The following DEDD2 variants were observed in gnomAD, a reference collection of about 807,000 sequenced individuals.
The protein encoded by DEDD2 is DNA-binding death effector domain-containing protein 2.
DEDD2 carries 18 observed loss-of-function variants against 28.9 expected under a neutral mutation model. The observed-to-expected ratio is 0.62, with a 90% CI of 0.43 to 0.92. The LOEUF is 0.92. Among genes scored for constraint, DEDD2 ranks in the 40% least tolerant of loss-of-function variants. The probability of loss-of-function intolerance (pLI) is 0.00; values close to 1 mark genes in which losing one functional copy is unlikely to be tolerated. For synonymous variants in DEDD2, 211 were observed against 206.1 expected, an observed-to-expected ratio of 1.02 and a Z score of -0.20; for missense variants, 411 against 463.3, an observed-to-expected ratio of 0.89 and a Z score of 1.04.
chr19:42,199,597 G>A lies in DEDD2; in HGVS notation c.822C>T (p.Ala274=), dbSNP rs1489843225. The A allele has an allele frequency of 1.2e-6, 2 of 1,613,982 alleles. No individual in the cohort carries two copies. The highest frequency in any genetic ancestry group is 1.1e-5 in the South Asian group (1 of 91,086). Residue 274 remains alanine (A), a synonymous_variant, in exon 5 of 5, where the codon GCC becomes GCT. Transcript: ENST00000596251. The surrounding 1 kb of genome is among the most constrained non-coding windows in gnomAD (Gnocchi z 7.4). ...GDYLSGALLQ[A]LRGVFLTEAL... The stretch of plus-strand genomic sequence containing the variant: ...CCTCAGTCAGGAACACGCCCCGCAG[G>A]GCCTGCAGCAGGGCGCCACTCAGGT...
intron 3 of DEDD2, among the ~76,000 whole-genome samples, chr19:42,210,289 G>C (rs2035703548): frequency 6.6e-6 from 1 of 152,152 alleles, no homozygotes; most frequent in South Asian, 2.1e-4. Context: ...GGGAAATTAA[G>C]ATTATATATA....
At chr19:42,212,093 C>G (rs2035792082) in intron 3 of DEDD2, 1 of 149,298 alleles carries the variant, frequency 6.7e-6, no homozygotes, top group Admixed American at 6.6e-5. Context: ...TGGCTGGGAG[C>G]AGTGGCTCAC....
intron 2 of DEDD2, among the ~76,000 whole-genome samples, chr19:42,216,047 A>G (rs747808973): frequency 6.6e-6 from 1 of 152,040 alleles, no homozygotes; most frequent in African/African-American, 2.4e-5. Flanking sequence ...TTCCCACCTC[A>G]GGCCTTGGAT....
chr19:42,208,091 C>G (rs1186061977), intron 4 of DEDD2, among the ~76,000 whole-genome samples: 2 of 152,232 alleles, frequency 1.3e-5, no homozygotes, highest in Admixed American at 1.3e-4. Context: ...CCTCATCTGT[C>G]TTCCCTGCAG....
chr19:42,214,005 A>G (rs2035866833), intron 3 of DEDD2, among the ~76,000 whole-genome samples: 1 of 152,218 alleles, frequency 6.6e-6, no homozygotes, highest in Admixed American at 6.5e-5. Context: ...AAGCATCCTG[A>G]TGTCTGTAAT....
chr19:42,218,580 C>T (rs1371993148), upstream of DEDD2, among the ~76,000 whole-genome samples: 1 of 152,162 alleles, frequency 6.6e-6, no homozygotes, highest in Non-Finnish European at 1.5e-5. Context: ...CCACGCCCCC[C>T]ACTTAGGTGA....
chr19:42,199,935 T>C lies in DEDD2; in HGVS notation c.590-106A>G, dbSNP rs2035265633. On this transcript the variant is annotated intron_variant, in intron 4 of 4. Coordinates refer to ENST00000596251, the MANE Select transcript of DEDD2 (RefSeq NM_133328.4). The surrounding 1 kb of genome is among the most constrained non-coding windows in gnomAD (Gnocchi z 7.4). ...GCCTTCTCCCTCCACCCCCTTCCGG[T>C]AGCCACACCCTAGTCCTGACACAGC... 1.4e-6 allele frequency: 2 copies of C among 1,450,232 alleles called. No homozygotes were observed. The highest frequency in any genetic ancestry group is 1.8e-6 in the Non-Finnish European group (2 of 1,092,272). The allele number at this position is 1,450,232 out of a possible 1,614,324, so 89.8% of individuals were successfully genotyped here.
upstream of DEDD2, among the ~76,000 whole-genome samples, chr19:42,219,825 T>C (rs2036098645): frequency 6.6e-6 from 1 of 152,206 alleles, no homozygotes; most frequent in Non-Finnish European, 1.5e-5. Flanking sequence ...AAGTGGGTTG[T>C]AGTGGGCGCC....
intron 3 of DEDD2, among the ~76,000 whole-genome samples, chr19:42,210,280 G>A (rs966010272): frequency 1.3e-5 from 2 of 152,084 alleles, no homozygotes; most frequent in Non-Finnish European, 2.9e-5. Context: ...GCATAAGGAG[G>A]GAAATTAAGA....
At position 42,199,427 on chromosome 19, in the gene DEDD2, C is replaced by A. The variant is rs1343603482; in HGVS notation, c.*11G>T. 1.3e-6 allele frequency: 2 copies of A among 1,584,260 alleles called. No homozygotes were observed. The highest frequency in any genetic ancestry group is 1.8e-5 in the Admixed American group (1 of 56,268). On this transcript the variant is annotated 3_prime_UTR_variant, in exon 5 of 5. Transcript: ENST00000596251. The surrounding 1 kb of genome is among the most constrained non-coding windows in gnomAD (Gnocchi z 7.4). ...AGACTTGGAGGTGGGATCAATCCTG[C>A]CAGTCCTGGATCAGGAGGCCTCTGT...
At chr19:42,205,137 T>C (rs946263089) in intron 4 of DEDD2, among the ~76,000 whole-genome samples, 1 of 152,064 alleles carries the variant, frequency 6.6e-6, no homozygotes, top group African/African-American at 2.4e-5. Context: ...TACTGCAGGA[T>C]ACAGTCAGCA....
At chr19:42,213,992 G>A (rs903946949) in intron 3 of DEDD2, among the ~76,000 whole-genome samples, 1 of 152,128 alleles carries the variant, frequency 6.6e-6, no homozygotes. Context: ...TAATTTAGGG[G>A]TAAAGCATCC....
rs1226907495 is a variant in DEDD2 at position 42,210,235 on chromosome 19, G to C, written c.449-395C>G. 2.0e-5 allele frequency among the ~76,000 whole-genome samples: 3 copies of C among 152,234 alleles called. No homozygotes were observed. In the East Asian group the frequency reaches 5.8e-4, roughly 29 times the overall value. ...TAGACTGTTTAAGGAAATAAAGCAA[G>C]ATACAAAATAAGTGTCTACAGTGTG... On this transcript the variant is annotated intron_variant, in intron 3 of 4. Transcript: ENST00000596251.
In DEDD2 at chr19:42,199,466, C is replaced by G. The variant is rs149179344; in HGVS notation, c.953G>C (p.Gly318Ala). ...RRRLLLMEEE[G>A]GRRPTEAS ...GGAGGCCTCTGTCGGGCGCCGCCCCCCTTCCTCCTCCATCAGCAACAGGCG... is the reference window on the plus strand; with the variant it reads ...GGAGGCCTCTGTCGGGCGCCGCCCCGCTTCCTCCTCCATCAGCAACAGGCG... The change falls in exon 5 of 5, where the codon GGG becomes GCG. Residue 318 changes from glycine (G) to alanine (A), a missense_variant. Around this residue, in one of 2 missense-constraint regions of DEDD2, gnomAD observed 129 missense variants for 189.9 expected, o/e 0.68. Transcript: ENST00000596251. This position sits in a 1 kb window ranked among gnomAD's most constrained non-coding sequence, Gnocchi z 7.4. 3.1e-6 allele frequency: 5 copies of G among 1,610,304 alleles called. No homozygotes were observed. The highest frequency in any genetic ancestry group is 1.3e-5 in the African/African-American group (1 of 74,994).
intron 4 of DEDD2, among the ~76,000 whole-genome samples, chr19:42,202,937 T>C (rs1421082893): frequency 6.6e-6 from 1 of 152,160 alleles, no homozygotes; most frequent in African/African-American, 2.4e-5. Context: ...CTCCCCAAAA[T>C]AATCACAACA....
Position 42,216,657 on chromosome 19 carries a change from G to A in DEDD2, c.328+23C>T, listed in dbSNP as rs150859421. On this transcript the variant is annotated intron_variant, in intron 2 of 4. Transcript: ENST00000596251. ...CAGGCCCTTTCCTCCCAGGAAGTGT[G>A]ACACCCTCCCATTCAACCGTACCTG... is the stretch of plus-strand genomic sequence containing the variant. 131 of 1,534,400 alleles carry A rather than the reference G, an allele frequency of 8.5e-5. No homozygotes were observed. The East Asian group carries it at 3.1e-3, about 37-fold the overall frequency.
intron 4 of DEDD2, among the ~76,000 whole-genome samples, chr19:42,200,515 T>C (rs1048849460): frequency 6.6e-6 from 1 of 152,214 alleles, no homozygotes; most frequent in Non-Finnish European, 1.5e-5. Context: ...GAGCCAGCAC[T>C]GCGGATGCGC....
At chr19:42,202,486 A>G (rs201115042) in intron 4 of DEDD2, among the ~76,000 whole-genome samples, 1 of 152,198 alleles carries the variant, frequency 6.6e-6, no homozygotes, top group East Asian at 1.9e-4. Flanking sequence ...GACCTCTGGT[A>G]TAAGTTCTCA....
intron 4 of DEDD2, 53 bp downstream of exon 4, chr19:42,209,647 C>A (rs2035670158): frequency 6.5e-7 from 1 of 1,550,082 alleles, no homozygotes. Flanking sequence ...CTCCCACCCT[C>A]TGAACCCACC....
Sources: gnomAD v4.1 joint callset for allele counts (sites outside exome capture counted in the v4.1 genomes callset) on GRCh38, gnomAD v4.1.1 for gene constraint, gnomAD v4.1.1 regional missense constraint, Gnocchi (gnomAD v3.1) non-coding constraint, MANE v1.5 for transcripts, NCBI Gene and HGNC (gene_info 2026-07-23, HGNC 2026-07-21) for gene names.